ABHD11: variants seen among roughly 807,000 people sequenced by gnomAD.
The protein encoded by ABHD11 is sn-1-specific diacylglycerol lipase ABHD11.
ABHD11 carries 26 observed loss-of-function variants against 29.0 expected under a neutral mutation model. The ratio of observed to expected loss-of-function variants is 0.90; its 90% CI spans 0.66 to 1.24. The LOEUF is 1.24. Ranked by LOEUF, ABHD11 falls within the 50% of genes most tolerant of loss-of-function variation. The pLI, the probability that ABHD11 is intolerant of heterozygous loss-of-function variation, is 0.00. For missense variants in ABHD11, 381 were observed against 422.4 expected (o/e 0.90, Z 0.86); for synonymous variants, 169 against 166.4 (o/e 1.02, Z -0.12).
At chr7:73,737,772 C>A (rs1311488158) in intron 2 of ABHD11, 37 bp from the exon 3 acceptor site, 1 of 1,583,566 alleles carries the variant, frequency 6.3e-7, no homozygotes, top group South Asian at 1.2e-5. Context: ...CGTTGATATC[C>A]CCATTCTGGG....
chr7:73,737,773 C>T, intron 2 of ABHD11, 38 bp from the exon 3 acceptor site: 2 of 1,582,482 alleles, frequency 1.3e-6, no homozygotes, highest in Non-Finnish European at 1.7e-6. Context: ...GTTGATATCC[C>T]CATTCTGGGG....
intron 1 of ABHD11, 26 bp downstream of exon 1, chr7:73,738,620 C>T (rs1554622931): frequency 6.3e-7 from 1 of 1,581,624 alleles, no homozygotes; most frequent in African/African-American, 1.3e-5. Flanking sequence ...CAGAGGATGG[C>T]CTCCCGCCCG....
rs782235800 is a variant in ABHD11 at position 73,738,323 on chromosome 7, C to T, written c.261+5G>A. On this transcript the variant is annotated splice_donor_5th_base_variant and intron_variant, in intron 2 of 5. Coordinates refer to ENST00000222800, the MANE Select transcript of ABHD11 (RefSeq NM_148912.4). ...CAAAGGAGCCCCGCCCACTCGAAAG[C>T]TCACCCTACGGCCTGTCTGCTGGGC... 3.1e-6 allele frequency: 5 copies of T among 1,604,592 alleles called. No individual in the cohort carries two copies. The highest frequency in any genetic ancestry group is 4.3e-6 in the Non-Finnish European group (5 of 1,174,510).
intron 2 of ABHD11, 188 bp downstream of exon 2, chr7:73,738,140 G>T (rs781894506): frequency 4.7e-6 from 5 of 1,070,728 alleles, no homozygotes; most frequent in African/African-American, 1.6e-5. Flanking sequence ...CCCCGATGGA[G>T]ATCTACAACA....
At chr7:73,738,280 C>G in intron 2 of ABHD11, 48 bp downstream of exon 2, 1 of 1,438,082 alleles carries the variant, frequency 7.0e-7, no homozygotes, top group Non-Finnish European at 9.6e-7. Context: ...TCAGGCCCCG[C>G]CCACTCCCGC....
chr7:73,738,017 C>A, intron 2 of ABHD11: 1 of 745,522 alleles, frequency 1.3e-6, no homozygotes, highest in South Asian at 1.5e-5. Context: ...GAATTTCCAA[C>A]AGTAGGAGCA....
At position 73,736,637 on chromosome 7, in the gene ABHD11, C is replaced by T. The variant is rs199981712; in HGVS notation, c.843G>A (p.Thr281=). The T allele has an allele frequency of 1.2e-5, 19 of 1,613,884 alleles. No individual in the cohort carries two copies. Among genetic ancestry groups the T allele is most frequent in the East Asian group, 6.7e-5 (3 of 44,868 alleles). Residue 281 remains threonine, a synonymous_variant, in exon 6 of 6, where the codon ACG becomes ACA. Coordinates refer to ENST00000222800, the MANE Select transcript of ABHD11 (RefSeq NM_148912.4). ...MRLFPRAQMQ[T]VPNAGHWIHA... Reference sequence around the variant, plus strand: ...GGATCCAGTGGCCAGCGTTCGGCACCGTCTGCATCTGGGCCCGAGGGAAGA... The same window carrying T: ...GGATCCAGTGGCCAGCGTTCGGCACTGTCTGCATCTGGGCCCGAGGGAAGA...
Position 73,738,383 on chromosome 7 carries a change from C to A in ABHD11, c.206G>T (p.Ser69Ile), listed in dbSNP as rs950415071. The A allele has an allele frequency of 2.5e-6, 4 of 1,608,318 alleles. No homozygotes were observed. Among genetic ancestry groups the A allele is most frequent in the Non-Finnish European group, 2.5e-6 (3 of 1,176,840 alleles). ...GGCGATGGAGTTGAAGTTAGTTTTG[C>A]TGCCGAAGAGCCCGTGCAAAAAGAC... ...AVVFLHGLFG[S>I]KTNFNSIAKI... The change falls in exon 2 of 6, where the codon AGC (serine) becomes ATC (isoleucine). Residue 69 changes from serine to isoleucine, a missense_variant. Ser to Ile is a moderately radical substitution (Grantham distance 142). Coordinates refer to ENST00000222800, the MANE Select transcript of ABHD11 (RefSeq NM_148912.4).
At chr7:73,738,304 AG>A in intron 2 of ABHD11, 23 bp downstream of exon 2, 1 of 714,136 alleles carries the variant, frequency 1.4e-6, no homozygotes. Flanking sequence ...GCCCCAAAGG[AG>A]CCCCGCCCAC....
intron 3 of ABHD11, 40 bp from the exon 4 acceptor site, chr7:73,737,431 C>T: frequency 6.3e-7 from 1 of 1,586,340 alleles, no homozygotes. Context: ...CTTAGGCAGA[C>T]ATAGGGAGTC....
rs1799953939 is a variant in ABHD11, at chr7:73,737,005, A to C, written c.712T>G (p.Leu238Val). 1.2e-6 allele frequency: 2 copies of C among 1,614,078 alleles called. No individual in the cohort carries two copies. Among genetic ancestry groups the C allele is most frequent in the East Asian group, 4.5e-5 (2 of 44,868 alleles). The change falls in exon 5 of 6, where the codon TTG (leucine) becomes GTG (valine). Residue 238 changes from leucine (L) to valine (V), a missense_variant. Physicochemically the swap from Leu to Val is conservative, Grantham distance 32 (BLOSUM62 1). Coordinates refer to ENST00000222800, the MANE Select transcript of ABHD11 (RefSeq NM_148912.4). ...GACTCCTGCCTCTGTGGGAAAGCCA[A>C]GATCTTGTCTAGGTGCTGGGTCAGG... is the stretch of plus-strand genomic sequence containing the variant. ...DALTQHLDKI[L>V]AFPQRQESYL... is the part of the protein sequence containing the mutation.
At chr7:73,737,179 T>C in intron 4 of ABHD11, 42 bp downstream of exon 4, 2 of 1,613,778 alleles carry the variant, frequency 1.2e-6, no homozygotes, top group Non-Finnish European at 1.7e-6. Flanking sequence ...CCTTGACAGG[T>C]CCTGGTCTAC....
intron 3 of ABHD11, 44 bp from the exon 4 acceptor site, chr7:73,737,435 G>T: frequency 6.3e-7 from 1 of 1,583,000 alleles, no homozygotes. Flanking sequence ...GGCAGACATA[G>T]GGAGTCTCAG....
intron 4 of ABHD11, 46 bp downstream of exon 4, chr7:73,737,175 C>T (rs201874023): frequency 1.2e-6 from 2 of 1,613,780 alleles, no homozygotes; most frequent in East Asian, 2.2e-5. Flanking sequence ...CTTCCCTTGA[C>T]AGGTCCTGGT....
At chr7:73,736,884 C>G in intron 5 of ABHD11, 45 bp downstream of exon 5, 1 of 1,597,064 alleles carries the variant, frequency 6.3e-7, no homozygotes, top group South Asian at 1.1e-5. Flanking sequence ...AGGCTGGGGC[C>G]TGGGCGAGTA....
chr7:73,737,272 G>C lies in ABHD11; in HGVS notation c.555C>G (p.Pro185=). 3 of 1,614,106 alleles carry C rather than the reference G, an allele frequency of 1.9e-6. No homozygotes were observed. Among genetic ancestry groups the C allele is most frequent in the Non-Finnish European group, 2.5e-6 (3 of 1,180,030 alleles). ...MRAINIADEL[P]RSRARKLADE... is the part of the protein sequence containing the mutation. The stretch of plus-strand genomic sequence containing the variant: ...CCGCCAGTTTTCGGGCACGGGAGCG[G>C]GGCAGCTCATCTGCGATGTTGATGG... Residue 185 remains proline, a synonymous_variant, in exon 4 of 6, where the codon CCC becomes CCG. Transcript: ENST00000222800.
In ABHD11 at chr7:73,737,655, C is replaced by A; in HGVS notation, c.342G>T (p.Leu114=). 6.2e-7 allele frequency: 1 copy of A among 1,614,150 alleles called. No individual in the cohort carries two copies. The highest frequency in any genetic ancestry group is 1.7e-5 in the Admixed American group (1 of 59,986). ...DMSYEIMSQD[L]QDLLPQLGLV... ...GGCCCAGCTGGGGCAGAAGGTCCTG[C>A]AGGTCCTGGCTCATGATCTCGTAGC... is the stretch of plus-strand genomic sequence containing the variant. The change falls in exon 3 of 6, where the codon CTG becomes CTT. Residue 114 remains leucine, a synonymous_variant. Coordinates refer to ENST00000222800, the MANE Select transcript of ABHD11 (RefSeq NM_148912.4).
chr7:73,736,869 T>C, intron 5 of ABHD11, 60 bp downstream of exon 5: 2 of 1,582,842 alleles, frequency 1.3e-6, no homozygotes, highest in Non-Finnish European at 1.7e-6. Flanking sequence ...CCTGGTAGGG[T>C]CCCCAGGCTG....
Position 73,736,558 on chromosome 7 carries a change from C to T in ABHD11, c.*1G>A. On this transcript the variant is annotated 3_prime_UTR_variant, in exon 6 of 6. Transcript: ENST00000222800. Reference sequence around the variant, plus strand: ...CCCGGCCATCTTCTTGCCAGCAACTCTTAGACCAGGAAGCCTCGGATGGCA... The same window carrying T: ...CCCGGCCATCTTCTTGCCAGCAACTTTTAGACCAGGAAGCCTCGGATGGCA... 1 of 1,613,802 alleles carries T rather than the reference C, an allele frequency of 6.2e-7. No homozygotes were observed. Among genetic ancestry groups the T allele is most frequent in the Non-Finnish European group, 8.5e-7 (1 of 1,180,012 alleles).
Sources: allele counts gnomAD v4.1 joint callset, GRCh38; gene constraint gnomAD v4.1.1; transcripts MANE v1.5; gene names NCBI Gene and HGNC (gene_info 2026-07-23, HGNC 2026-07-21).